Variants in SRI observed in about 807,000 individuals in gnomAD.
The protein encoded by SRI is sorcin.
In SRI, 30 loss-of-function variants were observed where a neutral mutation model predicts 33.3. The observed-to-expected ratio is 0.90, with a 90% CI of 0.67 to 1.22. The LOEUF (loss-of-function observed/expected upper bound fraction) is 1.22. SRI is among the 50% of genes most tolerant of loss of function. SRI has a pLI of 0.00. For synonymous variants in SRI, 75 were observed against 89.9 expected, an observed-to-expected ratio of 0.83 and a Z score of 0.94; for missense variants, 243 against 250.8, an observed-to-expected ratio of 0.97 and a Z score of 0.21.
rs746938789 is a variant in SRI, at chr7:88,218,951, C to A, written c.52-9G>T. On this transcript the variant is annotated splice_polypyrimidine_tract_variant and intron_variant, in intron 1 of 7. Transcript: ENST00000265729. ...CCGGGAGCCCCTCCATACTGTGAAA[C>A]AGGAAACACATACACGTCATTCTGC... 3.5e-5 allele frequency: 56 copies of A among 1,611,936 alleles called. No individual in the cohort carries two copies. The highest frequency in any genetic ancestry group is 4.7e-5 in the Non-Finnish European group (55 of 1,178,230).
upstream of SRI, among the ~76,000 whole-genome samples, chr7:88,221,390 A>G (rs1470296059): frequency 6.6e-6 from 1 of 152,216 alleles, no homozygotes; most frequent in Non-Finnish European, 1.5e-5. Flanking sequence ...TTCAGGAAGC[A>G]GGTTACTGTT....
upstream of SRI, among the ~76,000 whole-genome samples, chr7:88,223,058 C>A (rs909434984): frequency 1.3e-5 from 2 of 152,156 alleles, no homozygotes; most frequent in East Asian, 1.9e-4. Context: ...TCAGAGTGAA[C>A]AGGCAACCTA....
chr7:88,210,503 C>A (rs1366206942), intron 4 of SRI: 3 of 384,256 alleles, frequency 7.8e-6, no homozygotes, highest in Admixed American at 3.9e-5. Flanking sequence ...TGTTTAGTGC[C>A]CCCAGACAAA....
At chr7:88,219,718 C>T (rs1359927894) in intron 1 of SRI, among the ~76,000 whole-genome samples, 1 of 152,168 alleles carries the variant, frequency 6.6e-6, no homozygotes, top group Non-Finnish European at 1.5e-5. Flanking sequence ...CGAGAAGCCG[C>T]AGGGTGGGCT....
rs758638915 is a variant in SRI at position 88,209,398 on chromosome 7, T to C, written c.452A>G (p.Asn151Ser). 9 of 1,614,116 alleles carry C rather than the reference T, an allele frequency of 5.6e-6. No individual in the cohort carries two copies. The highest frequency in any genetic ancestry group is 1.7e-5 in the Admixed American group (1 of 60,024). ...VNSIAKRYSTNGKITFDDYIA... is the reference protein window; with the variant it reads ...VNSIAKRYSTSGKITFDDYIA... ...GTAGTCGTCGAAGGTGATCTTTCCATTGGTGCTGTATCGTTTTGCAATTGA... is the reference window on the plus strand; with the variant it reads ...GTAGTCGTCGAAGGTGATCTTTCCACTGGTGCTGTATCGTTTTGCAATTGA... Residue 151 changes from asparagine to serine, a missense_variant, in exon 6 of 8, where the codon AAT becomes AGT. Transcript: ENST00000265729.
intron 2 of SRI, among the ~76,000 whole-genome samples, chr7:88,218,481 T>G (rs1851787963): frequency 6.6e-6 from 1 of 152,208 alleles, no homozygotes; most frequent in Non-Finnish European, 1.5e-5. Context: ...GGGTGAATGA[T>G]TAGCAATCAA....
upstream of SRI, among the ~76,000 whole-genome samples, chr7:88,221,725 A>G (rs945752286): frequency 1.8e-4 from 28 of 152,138 alleles, no homozygotes; most frequent in African/African-American, 1.9e-4. Context: ...TTTAGGGTAC[A>G]TGTGAACATT....
Position 88,206,343 on chromosome 7 carries a change from A to G in SRI, c.*135T>C, listed in dbSNP as rs1851438587. ...CTAAAACAAAACTTCAGTTGTACAT[A>G]AAGTAATAAACTTTACAACAGCTGT... On this transcript the variant is annotated 3_prime_UTR_variant, in exon 8 of 8. Transcript: ENST00000265729. 11 of 1,027,594 alleles carry G rather than the reference A, an allele frequency of 1.1e-5. No individual in the cohort carries two copies. The highest frequency in any genetic ancestry group is 9.1e-5 in the South Asian group (7 of 76,842). 63.7% of individuals were successfully genotyped at this position (1,027,594 alleles called of 1,614,324 possible). A position where few individuals can be genotyped will look rare whatever the true frequency, so the allele number is the denominator to read the frequency against.
intron 3 of SRI, among the ~76,000 whole-genome samples, chr7:88,215,241 A>G (rs1851678879): frequency 6.6e-6 from 1 of 152,248 alleles, no homozygotes; most frequent in Non-Finnish European, 1.5e-5. Flanking sequence ...ATTCAATCAC[A>G]TAGGCCCCAT....
At chr7:88,217,586 A>G (rs1454949729) in intron 2 of SRI, among the ~76,000 whole-genome samples, 1 of 152,218 alleles carries the variant, frequency 6.6e-6, no homozygotes, top group Non-Finnish European at 1.5e-5. Context: ...GATATAGTGA[A>G]TCATTTTTTT....
At position 88,209,392 on chromosome 7, in the gene SRI, T is replaced by C; in HGVS notation, c.458A>G (p.Lys153Arg). 1.9e-6 allele frequency: 3 copies of C among 1,614,148 alleles called. No homozygotes were observed. The highest frequency in any genetic ancestry group is 1.7e-6 in the Non-Finnish European group (2 of 1,179,980). Residue 153 changes from lysine to arginine, a missense_variant, in exon 6 of 8, where the codon AAG becomes AGG. Transcript: ENST00000265729. ...GGCGATGTAGTCGTCGAAGGTGATCTTTCCATTGGTGCTGTATCGTTTTGC... is the reference window on the plus strand; with the variant it reads ...GGCGATGTAGTCGTCGAAGGTGATCCTTCCATTGGTGCTGTATCGTTTTGC... The part of the protein sequence containing the change: ...SIAKRYSTNG[K>R]ITFDDYIACC...
chr7:88,215,438 T>C (rs1007964242), intron 3 of SRI, among the ~76,000 whole-genome samples: 1 of 152,246 alleles, frequency 6.6e-6, no homozygotes, highest in African/African-American at 2.4e-5. Context: ...GTGATCTCAC[T>C]GCACTTTGAT....
chr7:88,218,079 T>G (rs1298663695), intron 2 of SRI, among the ~76,000 whole-genome samples: 1 of 152,222 alleles, frequency 6.6e-6, no homozygotes, highest in African/African-American at 2.4e-5. Flanking sequence ...TTTCTAGCTT[T>G]TGGTCAAAAC....
intron 3 of SRI, among the ~76,000 whole-genome samples, chr7:88,215,925 A>C (rs78063490): frequency 6.6e-6 from 1 of 152,218 alleles, no homozygotes; most frequent in Non-Finnish European, 1.5e-5. Flanking sequence ...TTCAAGATCT[A>C]ATTTCAAGAG....
chr7:88,209,935 C>T, intron 5 of SRI, 48 bp downstream of exon 5: 1 of 1,613,022 alleles, frequency 6.2e-7, no homozygotes, highest in South Asian at 1.1e-5. Flanking sequence ...AAATAAAAAT[C>T]AACTTACTTC....
Position 88,206,350 on chromosome 7 carries a change from T to C in SRI, c.*128A>G. The C allele has an allele frequency of 9.1e-7, 1 of 1,101,406 alleles. No individual in the cohort carries two copies. The allele number at this position is 1,101,406 out of a possible 1,614,324, so 68.2% of individuals were successfully genotyped here. ...AAAACTTCAGTTGTACATAAAGTAA[T>C]AAACTTTACAACAGCTGTTAAGAGA... On this transcript the variant is annotated 3_prime_UTR_variant, in exon 8 of 8. Coordinates refer to ENST00000265729, the MANE Select transcript of SRI (RefSeq NM_003130.4).
At chr7:88,224,460 ATT>A (rs1485815713), upstream of SRI, among the ~76,000 whole-genome samples, 97 of 152,310 alleles carry the variant, frequency 6.4e-4, no homozygotes, top group African/African-American at 2.1e-3. Context: ...TAAAGTTTCA[ATT>A]TTTGTTTAGT....
At chr7:88,208,930 T>G (rs1413369765) in intron 6 of SRI, 14 of 297,914 alleles carry the variant, frequency 4.7e-5, no homozygotes, top group Admixed American at 4.2e-4. Flanking sequence ...AAGAAACAGA[T>G]AAAGAGTCCC....
chr7:88,212,871 G>A (rs1405072822), intron 3 of SRI, among the ~76,000 whole-genome samples: 4 of 152,158 alleles, frequency 2.6e-5, no homozygotes, highest in African/African-American at 9.7e-5. Context: ...AGCTTTCCAG[G>A]TGATGCCAAT....
Sources: gnomAD v4.1 joint callset for allele counts (sites outside exome capture counted in the v4.1 genomes callset) on GRCh38, gnomAD v4.1.1 for gene constraint, MANE v1.5 for transcripts, NCBI Gene and HGNC (gene_info 2026-07-23, HGNC 2026-07-21) for gene names.